Variants in IL13RA1 observed in about 807,000 individuals in gnomAD.
IL13RA1 encodes interleukin 13 receptor subunit alpha 1.
In IL13RA1, 14 loss-of-function variants were observed where a neutral mutation model predicts 33.8. The ratio of observed to expected loss-of-function variants is 0.41; its 90% confidence interval spans 0.27 to 0.65. The LOEUF is 0.65. IL13RA1 is among the 30% of genes least tolerant of loss of function. The pLI, the probability that IL13RA1 is intolerant of heterozygous loss-of-function variation, is 0.28. For synonymous variants in IL13RA1, 116 were observed against 115.7 expected (o/e 1.00, Z -0.02); for missense variants, 313 against 327.0 (o/e 0.96, Z 0.33).
chrX:118,748,053 C>CAT (rs1301648644), intron 3 of IL13RA1, among the ~76,000 whole-genome samples: 69 of 94,187 alleles, frequency 7.3e-4, no homozygotes, highest in African/African-American at 2.1e-3. Context: ...ACACAAAAAA[C>CAT]ATATATATAT....
intron 10 of IL13RA1, among the ~76,000 whole-genome samples, chrX:118,782,702 A>G (rs775136231): frequency 5.5e-5 from 6 of 109,893 alleles, no homozygotes; most frequent in South Asian, 7.9e-4. Context: ...GGCTGAGGCA[A>G]TCTTCTGATC....
intron 1 of IL13RA1, among the ~76,000 whole-genome samples, chrX:118,738,362 A>C (rs1280648239): frequency 9.0e-6 from 1 of 111,290 alleles, no homozygotes; most frequent in Non-Finnish European, 1.9e-5. Context: ...TCGGCCCCCA[A>C]ACCCACCTCC....
chrX:118,741,568 A>G (rs2017344710), intron 2 of IL13RA1, among the ~76,000 whole-genome samples: 1 of 111,771 alleles, frequency 8.9e-6, no homozygotes, highest in African/African-American at 3.3e-5. Context: ...TATGTGGTGT[A>G]AAAGTAAACG....
intron 10 of IL13RA1, among the ~76,000 whole-genome samples, chrX:118,786,118 C>A (rs2017914162): frequency 9.0e-6 from 1 of 111,384 alleles, no homozygotes; most frequent in African/African-American, 3.3e-5. Flanking sequence ...TAATTTTAAA[C>A]ATTTTTTATT....
intron 2 of IL13RA1, among the ~76,000 whole-genome samples, chrX:118,745,461 A>G (rs1349960112): frequency 9.0e-6 from 1 of 111,706 alleles, no homozygotes; most frequent in African/African-American, 3.3e-5. Flanking sequence ...TTTTCAGAGT[A>G]CTGTCTTGAC....
chrX:118,757,395 T>C (rs993806441), intron 4 of IL13RA1, among the ~76,000 whole-genome samples: 16 of 108,077 alleles, frequency 1.5e-4, no homozygotes, highest in African/African-American at 5.4e-4. Flanking sequence ...CCGGGCGTAG[T>C]AGTGTGTGCC....
intron 1 of IL13RA1, among the ~76,000 whole-genome samples, chrX:118,739,409 G>C (rs1440803778): frequency 9.0e-6 from 1 of 111,706 alleles, no homozygotes; most frequent in Non-Finnish European, 1.9e-5. Context: ...AAATATTGCT[G>C]ATTATGTAAC....
In IL13RA1 at chrX:118,793,934, A is replaced by G. The variant is rs1479909854; in HGVS notation, c.*2080A>G. 1 of 112,287 alleles carries G rather than the reference A, an allele frequency of 8.9e-6. No homozygotes were observed. 9.3% of individuals were successfully genotyped at this position (112,287 alleles called of 1,213,427 possible). On this transcript the variant is annotated 3_prime_UTR_variant, in exon 11 of 11. Coordinates refer to ENST00000371666, the MANE Select transcript of IL13RA1 (RefSeq NM_001560.3). ...GTTCTACTTTGTTCTGCTGTTCTCT[A>G]GAAAGAATATTTGGTTTTCCTGTAT... is the stretch of plus-strand genomic sequence containing the variant.
At chrX:118,765,718 T>C (rs2017640952) in intron 6 of IL13RA1, among the ~76,000 whole-genome samples, 1 of 112,397 alleles carries the variant, frequency 8.9e-6, no homozygotes, top group African/African-American at 3.2e-5. Context: ...CTCTAGTAGA[T>C]AATAACAGTT....
intron 6 of IL13RA1, among the ~76,000 whole-genome samples, chrX:118,762,455 G>A (rs916074195): frequency 4.5e-5 from 5 of 111,983 alleles, no homozygotes; most frequent in Non-Finnish European, 1.9e-5. Context: ...CATCTCGCAC[G>A]TGGGTAAATT....
chrX:118,748,005 T>TTGTGTGTG (rs61230421), intron 3 of IL13RA1, among the ~76,000 whole-genome samples: 2,214 of 88,816 alleles, frequency 0.025, 29 homozygotes, highest in East Asian at 0.045. Flanking sequence ...AGAGTGAATG[T>TTGTGTGTG]TGTGTGTGTG....
chrX:118,737,949 T>C (rs2017299932), intron 1 of IL13RA1: 1 of 111,717 alleles, frequency 9.0e-6, no homozygotes. Flanking sequence ...TATTGGAGGC[T>C]CTCTACCTGA....
intron 4 of IL13RA1, among the ~76,000 whole-genome samples, chrX:118,752,313 C>T (rs976999003): frequency 3.6e-5 from 4 of 111,271 alleles, no homozygotes; most frequent in African/African-American, 1.3e-4. Flanking sequence ...ACCATTCGCC[C>T]GCAGCAAACT....
At chrX:118,756,123 G>C (rs1352215081) in intron 4 of IL13RA1, among the ~76,000 whole-genome samples, 1 of 110,840 alleles carries the variant, frequency 9.0e-6, no homozygotes, top group East Asian at 2.8e-4. Context: ...GAGAGGGTTT[G>C]AGAAACCTGC....
intron 10 of IL13RA1, among the ~76,000 whole-genome samples, chrX:118,783,649 T>A (rs57140191): frequency 0.071 from 7,810 of 109,908 alleles, 696 homozygotes; most frequent in African/African-American, 0.24. Context: ...AATTGCTTTT[T>A]TCTTGTCCAG....
At chrX:118,757,626 C>T (rs913229802) in intron 4 of IL13RA1, among the ~76,000 whole-genome samples, 7 of 103,965 alleles carry the variant, frequency 6.7e-5, no homozygotes, top group Non-Finnish European at 1.4e-4. Context: ...TTATCTTGCC[C>T]ATTGCAAATA....
At chrX:118,731,192 T>G (rs2147361562) in intron 1 of IL13RA1, among the ~76,000 whole-genome samples, 1 of 111,569 alleles carries the variant, frequency 9.0e-6, no homozygotes, top group Non-Finnish European at 1.9e-5. Context: ...AAGACATGGT[T>G]GAAATTAGGT....
chrX:118,742,785 A>G (rs1229911483), intron 2 of IL13RA1, among the ~76,000 whole-genome samples: 1 of 111,058 alleles, frequency 9.0e-6, no homozygotes, highest in Non-Finnish European at 1.9e-5. Flanking sequence ...CCAACTGAAT[A>G]TGGATGGTGT....
chrX:118,781,300 A>T (rs757143123), intron 10 of IL13RA1, among the ~76,000 whole-genome samples: 1 of 111,694 alleles, frequency 9.0e-6, no homozygotes, highest in East Asian at 2.8e-4. Context: ...CTTTTTAAAC[A>T]TGGGGATAAC....
Sources: allele counts gnomAD v4.1 joint callset (sites outside exome capture counted in the v4.1 genomes callset), GRCh38; gene constraint gnomAD v4.1.1; transcripts MANE v1.5; gene names NCBI Gene and HGNC (gene_info 2026-07-23, HGNC 2026-07-21).